ASAP1: variants seen among roughly 807,000 people sequenced by gnomAD.
ASAP1 encodes the protein ArfGAP with SH3 domain, ankyrin repeat and PH domain 1, also known as arf-GAP with SH3 domain, ANK repeat and PH domain-containing protein 1.
ASAP1 carries 43 observed loss-of-function variants against 145.2 expected under a neutral mutation model. That is an observed-to-expected ratio of 0.30 (90% CI 0.23 to 0.38). The LOEUF (loss-of-function observed/expected upper bound fraction) is 0.38, where lower values mean the gene tolerates loss of function less well. Among genes scored for constraint, ASAP1 ranks in the 10% least tolerant of loss-of-function variants. The pLI is 1.00. For synonymous variants in ASAP1, 546 were observed against 515.5 expected (o/e 1.06, Z -0.80); for missense variants, 1,018 against 1,355.3 (o/e 0.75, Z 3.91).
At chr8:130,216,172 A>G (rs963633715) in intron 4 of ASAP1, among the ~76,000 whole-genome samples, 1 of 152,206 alleles carries the variant, frequency 6.6e-6, no homozygotes, top group Non-Finnish European at 1.5e-5. Context: ...ATGTGTCCTA[A>G]CAGGTTTCTT....
intron 1 of ASAP1, among the ~76,000 whole-genome samples, chr8:130,404,963 A>G: frequency 6.6e-6 from 1 of 151,846 alleles, no homozygotes; most frequent in East Asian, 1.9e-4. Context: ...CCAATCAACC[A>G]CAAGTCCGGC....
intron 1 of ASAP1, among the ~76,000 whole-genome samples, 190 bp downstream of exon 1, chr8:130,443,270 G>A (rs939828596): frequency 6.6e-6 from 1 of 151,634 alleles, no homozygotes; most frequent in Non-Finnish European, 1.5e-5. Context: ...CGCGCGTCCC[G>A]CACACGCCCC....
At chr8:130,376,597 G>A (rs774700874) in intron 2 of ASAP1, among the ~76,000 whole-genome samples, 6 of 152,178 alleles carry the variant, frequency 3.9e-5, no homozygotes, top group Admixed American at 3.3e-4. Flanking sequence ...ATGATGGCGC[G>A]TGCCTGTAGT....
intron 3 of ASAP1, among the ~76,000 whole-genome samples, chr8:130,312,574 A>G (rs1823423757): frequency 6.6e-6 from 1 of 152,204 alleles, no homozygotes; most frequent in Admixed American, 6.5e-5. Flanking sequence ...TTCCAGGCCC[A>G]AGGCATACAC....
chr8:130,257,020 C>T (rs1243667563), intron 3 of ASAP1, among the ~76,000 whole-genome samples: 2 of 151,606 alleles, frequency 1.3e-5, no homozygotes, highest in Non-Finnish European at 2.9e-5. Flanking sequence ...AAATTTCCCA[C>T]ACTATATCAA....
intron 5 of ASAP1, among the ~76,000 whole-genome samples, chr8:130,207,333 A>T (rs562090721): frequency 7.2e-5 from 11 of 152,340 alleles, no homozygotes; most frequent in African/African-American, 2.2e-4. Flanking sequence ...ATAAATATTT[A>T]AAAAATGTTT....
chr8:130,126,849 G>T (rs547107226), intron 16 of ASAP1, among the ~76,000 whole-genome samples: 2 of 152,298 alleles, frequency 1.3e-5, no homozygotes, highest in South Asian at 4.1e-4. Context: ...CGCAAAAAAG[G>T]TATATCACAG....
At chr8:130,301,856 T>C (rs1204956287) in intron 3 of ASAP1, among the ~76,000 whole-genome samples, 2 of 152,238 alleles carry the variant, frequency 1.3e-5, no homozygotes, top group Non-Finnish European at 2.9e-5. Context: ...ACTAAGGATG[T>C]CTCATTCTTT....
At chr8:130,442,317 G>C (rs1288207729) in intron 1 of ASAP1, among the ~76,000 whole-genome samples, 1 of 152,186 alleles carries the variant, frequency 6.6e-6, no homozygotes, top group Non-Finnish European at 1.5e-5. Context: ...TCTTGGGCAA[G>C]TCAGGTCACC....
At chr8:130,249,644 T>C (rs1819071330) in intron 3 of ASAP1, among the ~76,000 whole-genome samples, 1 of 152,204 alleles carries the variant, frequency 6.6e-6, no homozygotes, top group African/African-American at 2.4e-5. Context: ...TGCCAGGTTA[T>C]AATGACATTT....
intron 7 of ASAP1, among the ~76,000 whole-genome samples, chr8:130,182,459 C>A (rs901482172): frequency 1.3e-5 from 2 of 152,112 alleles, no homozygotes; most frequent in Non-Finnish European, 2.9e-5. Context: ...TAAGCAGGAG[C>A]GTGAAAGAAC....
chr8:130,384,713 C>T (rs1212076011), intron 2 of ASAP1, among the ~76,000 whole-genome samples: 3 of 152,184 alleles, frequency 2.0e-5, no homozygotes, highest in Non-Finnish European at 2.9e-5. Context: ...AACTCCTGAC[C>T]TCAGGTGATC....
chr8:130,370,850 T>C (rs1486931911), intron 2 of ASAP1, among the ~76,000 whole-genome samples: 3 of 152,136 alleles, frequency 2.0e-5, no homozygotes, highest in African/African-American at 4.8e-5. Context: ...GGCAAATCTA[T>C]AGAGACAGAA....
intron 5 of ASAP1, 53 bp from the exon 6 acceptor site, chr8:130,188,236 A>T: frequency 7.2e-7 from 1 of 1,392,810 alleles, no homozygotes; most frequent in South Asian, 1.2e-5. Context: ...GTCCACATGA[A>T]CAATAAAACC....
chr8:130,357,920 G>A, intron 3 of ASAP1, 97 bp downstream of exon 3: 1 of 1,469,276 alleles, frequency 6.8e-7, no homozygotes, highest in Non-Finnish European at 9.1e-7. Context: ...GGCGCCCCCG[G>A]CCCCCGCGTC....
At chr8:130,121,676 C>T (rs12676977) in intron 18 of ASAP1, among the ~76,000 whole-genome samples, 27,185 of 146,598 alleles carry the variant, frequency 0.19, 2,983 homozygotes, top group African/African-American at 0.3. Flanking sequence ...CCCAGCTATT[C>T]GGGAGGCTGC....
Position 130,386,032 on chromosome 8 carries a change from A to T in ASAP1, c.59+15853T>A, listed in dbSNP as rs1043940196. 2.0e-5 allele frequency among the ~76,000 whole-genome samples: 3 copies of T among 152,182 alleles called. No individual in the cohort carries two copies. In the East Asian group the frequency reaches 5.8e-4, roughly 29 times the overall value. On this transcript the variant is annotated intron_variant, in intron 2 of 29. Coordinates refer to ENST00000518721, the MANE Select transcript of ASAP1 (RefSeq NM_018482.4). ...CTGACCACGTGACCCAAGATAGACC[A>T]ACGGGAATCAATCCAGAGATTTTGC...
At chr8:130,058,116 T>C in intron 28 of ASAP1, 40 bp from the exon 29 acceptor site, 1 of 1,601,490 alleles carries the variant, frequency 6.2e-7, no homozygotes, top group East Asian at 2.2e-5. Flanking sequence ...AAGAATGGAC[T>C]GAATGGAAAA....
At chr8:130,378,370 GGAAGGACTTCACGGC>G (rs1278529338) in intron 2 of ASAP1, among the ~76,000 whole-genome samples, 1 of 152,228 alleles carries the variant, frequency 6.6e-6, no homozygotes, top group African/African-American at 2.4e-5. Context: ...GAGGAAATCA[GGAAGGACTTCACGGC>G]GAAGGTGACA....
Sources: allele counts gnomAD v4.1 joint callset (sites outside exome capture counted in the v4.1 genomes callset), GRCh38; gene constraint gnomAD v4.1.1; transcripts MANE v1.5; gene names NCBI Gene and HGNC (gene_info 2026-07-23, HGNC 2026-07-21).